TEX2: variants seen among roughly 807,000 people sequenced by gnomAD.
TEX2 encodes the protein testis-expressed protein 2.
A neutral mutation model predicts 106.9 loss-of-function variants in TEX2; 53 were observed. The observed-to-expected ratio is 0.50, with a 90% confidence interval of 0.40 to 0.62. The LOEUF (loss-of-function observed/expected upper bound fraction) is 0.62, where lower values mean the gene tolerates loss of function less well. TEX2 is among the 20% of genes least tolerant of loss of function. TEX2 has a pLI of 0.00. For synonymous variants in TEX2, 523 were observed against 534.8 expected (o/e 0.98, Z 0.30); for missense variants, 1,207 against 1,379.0 (o/e 0.88, Z 1.98).
At chr17:64,191,455 A>G (rs1257995782) in intron 4 of TEX2, among the ~76,000 whole-genome samples, 1 of 152,196 alleles carries the variant, frequency 6.6e-6, no homozygotes, top group African/African-American at 2.4e-5. Context: ...GTAGACCTTT[A>G]TATTTCCAGT....
Position 64,193,719 on chromosome 17 carries a change from G to C in TEX2, c.2016C>G (p.Pro672=), listed in dbSNP as rs747649714. ...AEGSEDPKKP[P]RPQEGTRSSQ... is the part of the protein sequence containing the mutation. ...TAGATCTTGTTCCCTCCTGAGGGCG[G>C]GGTGGCTTCTTAGGGTCCTCACTTC... is the stretch of plus-strand genomic sequence containing the variant. The change falls in exon 4 of 12, where the codon CCC becomes CCG. Residue 672 remains proline, a synonymous_variant. Coordinates refer to ENST00000584379, the MANE Select transcript of TEX2 (RefSeq NM_001288732.2). The C allele has an allele frequency of 1.9e-6, 3 of 1,613,180 alleles. No homozygotes were observed. In the South Asian group the frequency reaches 3.3e-5, roughly 18 times the overall value.
rs555601932 is a variant in TEX2 at position 64,199,721 on chromosome 17, G to C, written c.1645-4626C>G. Among the ~76,000 whole-genome samples, 345 of 152,284 alleles carry C rather than the reference G, an allele frequency of 2.3e-3. 3 individuals are homozygous for C. Among genetic ancestry groups the C allele is most frequent in the Admixed American group, 4.1e-3 (63 of 15,298 alleles). ...ATACCAAGTCTTCAGAATCCAGTGC[G>C]TACTTTACGCTTAGAACACATCTTG... On this transcript the variant is annotated intron_variant, in intron 2 of 11. Coordinates refer to ENST00000584379, the MANE Select transcript of TEX2 (RefSeq NM_001288732.2).
intron 1 of TEX2, among the ~76,000 whole-genome samples, chr17:64,227,855 C>T (rs989265250): frequency 1.3e-5 from 2 of 152,186 alleles, no homozygotes; most frequent in Admixed American, 1.3e-4. Context: ...AAGCACTGAG[C>T]ATGATCCCTG....
intron 6 of TEX2, among the ~76,000 whole-genome samples, chr17:64,174,838 T>C (rs2031555969): frequency 6.6e-6 from 1 of 152,234 alleles, no homozygotes; most frequent in African/African-American, 2.4e-5. Flanking sequence ...GGGCAGAAAC[T>C]CAGCTTGTTT....
chr17:64,164,212 C>A (rs574310061), intron 7 of TEX2, among the ~76,000 whole-genome samples: 1 of 152,036 alleles, frequency 6.6e-6, no homozygotes, highest in Admixed American at 6.6e-5. Context: ...CTGAGGCAGG[C>A]GGATCACTTG....
intron 1 of TEX2, among the ~76,000 whole-genome samples, chr17:64,234,138 G>T (rs939495201): frequency 5.8e-4 from 89 of 152,348 alleles, no homozygotes; most frequent in African/African-American, 2.1e-3. Context: ...AGAAAAAAGT[G>T]TTTCTCAGCA....
rs782705677 is a variant in TEX2, at chr17:64,212,939, C to T, written c.1279G>A (p.Asp427Asn). Residue 427 changes from aspartate (D) to asparagine (N), a missense_variant, in exon 2 of 12, where the codon GAT becomes AAT. Physicochemically the swap from Asp to Asn is conservative, Grantham distance 23. Transcript: ENST00000584379. ...TTACTCTCCCCCTCCGTTTCCAAAT[C>T]GAAGTCCTCAGTGTACAGTTCACAA... ...EFCELYTEDF[D>N]LETEGESKVD... The T allele has an allele frequency of 2.5e-6, 4 of 1,614,216 alleles. No individual in the cohort carries two copies. The highest frequency in any genetic ancestry group is 1.1e-5 in the South Asian group (1 of 91,080).
chr17:64,188,279 C>T lies in TEX2; in HGVS notation c.2313G>A (p.Lys771=). 6.2e-7 allele frequency: 1 copy of T among 1,614,140 alleles called. No homozygotes were observed. The highest frequency in any genetic ancestry group is 8.5e-7 in the Non-Finnish European group (1 of 1,180,042). The part of the protein sequence containing the change: ...QKELAGSVRQ[K]MLLDYSVYMG... Reference sequence around the variant, plus strand: ...TGTACACGCTGTAGTCGAGAAGCATCTTCTGCCGCACGCTGCCTGCCAGCT... The same window carrying T: ...TGTACACGCTGTAGTCGAGAAGCATTTTCTGCCGCACGCTGCCTGCCAGCT... Residue 771 remains lysine (K), a synonymous_variant, in exon 5 of 12, where the codon AAG becomes AAA. Transcript: ENST00000584379.
chr17:64,201,400 TG>T (rs2032655309), intron 2 of TEX2, among the ~76,000 whole-genome samples: 2 of 152,240 alleles, frequency 1.3e-5, no homozygotes, highest in Non-Finnish European at 2.9e-5. Context: ...CATAAGCATA[TG>T]GTTTTTTAAA....
intron 5 of TEX2, among the ~76,000 whole-genome samples, chr17:64,181,824 A>ATTTTT (rs67787101): frequency 6.2e-5 from 9 of 145,030 alleles, no homozygotes; most frequent in African/African-American, 2.0e-4. Flanking sequence ...CTGGTTTTGT[A>ATTTTT]TTTTTTTTTT....
intron 1 of TEX2, among the ~76,000 whole-genome samples, chr17:64,251,888 G>A (rs948863523): frequency 6.6e-6 from 1 of 152,178 alleles, no homozygotes; most frequent in Non-Finnish European, 1.5e-5. Context: ...AAACACCCCC[G>A]ACAGGCAAAG....
rs782138059 is a variant in TEX2 at position 64,213,482 on chromosome 17, G to A, written c.736C>T (p.Leu246=). The change falls in exon 2 of 12, where the codon CTG becomes TTG. Residue 246 remains leucine (L), a synonymous_variant. Coordinates refer to ENST00000584379, the MANE Select transcript of TEX2 (RefSeq NM_001288732.2). The surrounding 1 kb of genome is among the most constrained non-coding windows in gnomAD (Gnocchi z 4.4). ...KPPDSKLNLH[L]FKQFTQPRNT... is the part of the protein sequence containing the mutation. Reference sequence around the variant, plus strand: ...CGGGGCTGTGTGAACTGCTTGAACAGGTGTAAGTTCAGTTTGGAATCAGGT... The same window carrying A: ...CGGGGCTGTGTGAACTGCTTGAACAAGTGTAAGTTCAGTTTGGAATCAGGT... The A allele has an allele frequency of 6.2e-7, 1 of 1,614,194 alleles. No individual in the cohort carries two copies. Among genetic ancestry groups the A allele is most frequent in the Non-Finnish European group, 8.5e-7 (1 of 1,180,028 alleles).
chr17:64,199,496 CA>C (rs1280943273), intron 2 of TEX2, among the ~76,000 whole-genome samples: 1 of 152,102 alleles, frequency 6.6e-6, no homozygotes, highest in Non-Finnish European at 1.5e-5. Flanking sequence ...CTTGGCCTCC[CA>C]AAGTGCTGGG....
chr17:64,176,419 T>C (rs923772355), intron 6 of TEX2, among the ~76,000 whole-genome samples: 8 of 152,230 alleles, frequency 5.3e-5, no homozygotes, highest in African/African-American at 1.9e-4. Context: ...TCAACGTGTT[T>C]TTCTAGTGAA....
intron 4 of TEX2, among the ~76,000 whole-genome samples, chr17:64,190,717 C>T (rs915747742): frequency 3.9e-5 from 6 of 152,196 alleles, no homozygotes; most frequent in South Asian, 2.1e-4. Context: ...CTTATTCCTC[C>T]GGGAGGCCTT....
At chr17:64,262,072 G>A (rs1394132065) in intron 1 of TEX2, among the ~76,000 whole-genome samples, 2 of 152,206 alleles carry the variant, frequency 1.3e-5, no homozygotes, top group African/African-American at 4.8e-5. Flanking sequence ...TGACTCCTCT[G>A]AATCCTCTGA....
At chr17:64,182,846 A>G (rs1209506420) in intron 5 of TEX2, among the ~76,000 whole-genome samples, 1 of 151,896 alleles carries the variant, frequency 6.6e-6, no homozygotes, top group Admixed American at 6.6e-5. Context: ...TCATCTATGC[A>G]TATACCACAC....
chr17:64,182,171 C>A (rs1326133672), intron 5 of TEX2, among the ~76,000 whole-genome samples: 2 of 152,102 alleles, frequency 1.3e-5, no homozygotes, highest in Non-Finnish European at 2.9e-5. Flanking sequence ...TTCTGACTTA[C>A]GCTACCACAT....
intron 4 of TEX2, among the ~76,000 whole-genome samples, chr17:64,192,141 G>A (rs949917960): frequency 3.9e-5 from 6 of 152,194 alleles, no homozygotes; most frequent in African/African-American, 1.4e-4. Context: ...TGGTGCTGAG[G>A]AGTTCTTACC....
Sources: gnomAD v4.1 joint callset for allele counts (sites outside exome capture counted in the v4.1 genomes callset) on GRCh38, gnomAD v4.1.1 for gene constraint, Gnocchi (gnomAD v3.1) non-coding constraint, MANE v1.5 for transcripts, NCBI Gene and HGNC (gene_info 2026-07-23, HGNC 2026-07-21) for gene names.